Variants in DPYD observed in about 807,000 individuals in gnomAD.
DPYD encodes dihydropyrimidine dehydrogenase [NADP(+)].
DPYD carries 109 observed loss-of-function variants against 116.2 expected under a neutral mutation model. The ratio of observed to expected loss-of-function variants is 0.94; its 90% confidence interval spans 0.80 to 1.10. DPYD has a LOEUF of 1.10. Ranked by LOEUF, DPYD falls within the 50% of genes least tolerant of loss-of-function variation. The pLI is 0.00. For missense variants in DPYD, 1,302 were observed against 1,254.5 expected, an observed-to-expected ratio of 1.04 and a Z score of -0.57; for synonymous variants, 440 against 432.0, an observed-to-expected ratio of 1.02 and a Z score of -0.23.
At chr1:97,647,758 T>C (rs935549647) in intron 8 of DPYD, among the ~76,000 whole-genome samples, 2 of 152,030 alleles carry the variant, frequency 1.3e-5, no homozygotes, top group Non-Finnish European at 2.9e-5. Context: ...TACTTCATAT[T>C]TGAAGTTTTT....
intron 12 of DPYD, among the ~76,000 whole-genome samples, chr1:97,521,033 T>A (rs916556441): frequency 3.3e-5 from 5 of 152,142 alleles, no homozygotes; most frequent in African/African-American, 1.2e-4. Context: ...TGGTTCTAGA[T>A]CCTTGAGGAA....
intron 16 of DPYD, among the ~76,000 whole-genome samples, chr1:97,316,706 C>T (rs1667875771): frequency 6.6e-6 from 1 of 151,674 alleles, no homozygotes; most frequent in Admixed American, 6.6e-5. Flanking sequence ...TCCCTTTCCG[C>T]TATCTGTACT....
chr1:97,305,985 C>T (rs1667135614), intron 17 of DPYD, among the ~76,000 whole-genome samples, 192 bp downstream of exon 17: 1 of 151,850 alleles, frequency 6.6e-6, no homozygotes, highest in South Asian at 2.1e-4. Flanking sequence ...GATCAAAATT[C>T]ATGGTCAATT....
intron 2 of DPYD, among the ~76,000 whole-genome samples, chr1:97,843,910 A>G (rs1184123269): frequency 1.3e-5 from 2 of 152,310 alleles, no homozygotes; most frequent in African/African-American, 2.4e-5. Context: ...AAATATACAT[A>G]CTTCAAATGT....
intron 18 of DPYD, among the ~76,000 whole-genome samples, chr1:97,282,890 A>G (rs943504482): frequency 3.3e-5 from 5 of 152,144 alleles, no homozygotes; most frequent in Admixed American, 6.5e-5. Flanking sequence ...TGCAAAGGCC[A>G]TGATTTCACT....
intron 8 of DPYD, among the ~76,000 whole-genome samples, chr1:97,633,513 A>G (rs72732398): frequency 0.12 from 18,230 of 152,014 alleles, 1,220 homozygotes; most frequent in Middle Eastern, 0.17. Context: ...TATTAATCAA[A>G]CCAAATCATC....
chr1:97,825,956 T>C (rs1238232776), intron 3 of DPYD, among the ~76,000 whole-genome samples: 1 of 152,170 alleles, frequency 6.6e-6, no homozygotes, highest in Non-Finnish European at 1.5e-5. Flanking sequence ...CACCATATAC[T>C]AAATTGTTGT....
At chr1:97,651,041 G>A (rs1658551796) in intron 8 of DPYD, among the ~76,000 whole-genome samples, 1 of 152,118 alleles carries the variant, frequency 6.6e-6, no homozygotes, top group Non-Finnish European at 1.5e-5. Context: ...TATTTGATGA[G>A]TGTTCAATTA....
At chr1:97,441,260 T>A (rs1675780468) in intron 14 of DPYD, among the ~76,000 whole-genome samples, 1 of 152,104 alleles carries the variant, frequency 6.6e-6, no homozygotes. Flanking sequence ...TAGGCAAAAC[T>A]GGAAGCTTTG....
chr1:97,284,962 T>C (rs1665568750), intron 18 of DPYD, among the ~76,000 whole-genome samples: 1 of 152,194 alleles, frequency 6.6e-6, no homozygotes. Flanking sequence ...ATTGCCCTGC[T>C]TTTTCTGTCT....
At chr1:97,699,794 C>A (rs1255886583) in intron 5 of DPYD, among the ~76,000 whole-genome samples, 1 of 151,962 alleles carries the variant, frequency 6.6e-6, no homozygotes, top group Admixed American at 6.6e-5. Flanking sequence ...CCTACTCCCA[C>A]CTAGAGGGTA....
chr1:97,891,088 G>A (rs1672748978), intron 1 of DPYD, among the ~76,000 whole-genome samples: 1 of 151,914 alleles, frequency 6.6e-6, no homozygotes, highest in African/African-American at 2.4e-5. Flanking sequence ...AAAAATACAA[G>A]ACATGAGTGG....
Position 97,194,099 on chromosome 1 carries a change from G to A in DPYD, c.2443-851C>T, listed in dbSNP as rs113487987. ...TCACTATATTATCTGCAGTGACTAG[G>A]ACACTGTTTGTCTGTTAGTCTGCTC... On this transcript the variant is annotated intron_variant, in intron 19 of 22. Coordinates refer to ENST00000370192, the MANE Select transcript of DPYD (RefSeq NM_000110.4). Among the ~76,000 whole-genome samples, 490 of 152,228 alleles carry A rather than the reference G, an allele frequency of 3.2e-3. 3 individuals carry two copies. Among genetic ancestry groups the A allele is most frequent in the Non-Finnish European group, 5.9e-3 (403 of 68,008 alleles).
chr1:97,266,492 A>G (rs1664233967), intron 18 of DPYD, among the ~76,000 whole-genome samples: 1 of 152,144 alleles, frequency 6.6e-6, no homozygotes, highest in Non-Finnish European at 1.5e-5. Flanking sequence ...ACAGAATACT[A>G]TAGACTGGGT....
At chr1:97,445,861 G>A (rs564075304) in intron 14 of DPYD, among the ~76,000 whole-genome samples, 31 of 152,012 alleles carry the variant, frequency 2.0e-4, no homozygotes, top group African/African-American at 6.0e-4. Flanking sequence ...GAGTAGCTGG[G>A]ATTACAGGCA....
At chr1:97,814,227 C>T (rs1328918312) in intron 3 of DPYD, among the ~76,000 whole-genome samples, 2 of 152,024 alleles carry the variant, frequency 1.3e-5, no homozygotes, top group Non-Finnish European at 2.9e-5. Flanking sequence ...GATGGAAAGA[C>T]GGTTGGTCAG....
chr1:97,823,112 T>C (rs1669045054), intron 3 of DPYD, among the ~76,000 whole-genome samples: 1 of 152,166 alleles, frequency 6.6e-6, no homozygotes, highest in Admixed American at 6.5e-5. Flanking sequence ...AGCATATCTA[T>C]TACCTCAAAC....
At chr1:97,128,542 T>C (rs984358976) in intron 20 of DPYD, among the ~76,000 whole-genome samples, 14 of 152,202 alleles carry the variant, frequency 9.2e-5, no homozygotes, top group Non-Finnish European at 1.8e-4. Context: ...TCTATAAAAC[T>C]TTACAGCCCT....
At chr1:97,505,511 A>G (rs1459518631) in intron 13 of DPYD, among the ~76,000 whole-genome samples, 1 of 151,640 alleles carries the variant, frequency 6.6e-6, no homozygotes, top group African/African-American at 2.4e-5. Flanking sequence ...ATAATTTAAA[A>G]AATAAAATAT....
Sources: allele counts gnomAD v4.1 joint callset (sites outside exome capture counted in the v4.1 genomes callset), GRCh38; gene constraint gnomAD v4.1.1; transcripts MANE v1.5; gene names NCBI Gene and HGNC (gene_info 2026-07-23, HGNC 2026-07-21).